PTPRZ1: variants seen among roughly 807,000 people sequenced by gnomAD.
PTPRZ1 encodes the protein protein tyrosine phosphatase receptor type Z1.
Under a neutral mutation model 214.1 loss-of-function variants are expected in PTPRZ1, and 82 were observed. The ratio of observed to expected loss-of-function variants is 0.38; its 90% CI spans 0.32 to 0.46. PTPRZ1 has a LOEUF of 0.46. PTPRZ1 is among the 20% of genes least tolerant of loss of function. PTPRZ1 has a pLI of 1.00. For missense variants in PTPRZ1, 2,603 were observed against 2,748.7 expected (o/e 0.95, Z 1.19); for synonymous variants, 945 against 987.9 (o/e 0.96, Z 0.81).
Position 122,013,233 on chromosome 7 carries a change from C to T in PTPRZ1, c.4187C>T (p.Ser1396Phe). The change falls in exon 12 of 30, where the codon TCT becomes TTT. Residue 1396 changes from serine to phenylalanine, a missense_variant. Ser to Phe is a radical substitution (Grantham distance 155, BLOSUM62 -2). Coordinates refer to ENST00000393386, the MANE Select transcript of PTPRZ1 (RefSeq NM_002851.3). Reference sequence around the variant, plus strand: ...ACCTCAACAAAGTTGCTGTTTCCTTCTAAGGCAACTTCTGAGCTGAGTCAT... The same window carrying T: ...ACCTCAACAAAGTTGCTGTTTCCTTTTAAGGCAACTTCTGAGCTGAGTCAT... ...SVTSTKLLFP[S>F]KATSELSHSA... 1 of 1,614,152 alleles carries T rather than the reference C, an allele frequency of 6.2e-7. No individual in the cohort carries two copies. Among genetic ancestry groups the T allele is most frequent in the Non-Finnish European group, 8.5e-7 (1 of 1,180,030 alleles).
chr7:122,027,064 C>G (rs959760351), intron 13 of PTPRZ1, among the ~76,000 whole-genome samples: 6 of 152,180 alleles, frequency 3.9e-5, no homozygotes, highest in African/African-American at 1.4e-4. Context: ...AGTGATGTGC[C>G]ACAGAGCAAA....
At chr7:121,977,428 C>T (rs1381804250) in intron 6 of PTPRZ1, among the ~76,000 whole-genome samples, 1 of 152,202 alleles carries the variant, frequency 6.6e-6, no homozygotes, top group African/African-American at 2.4e-5. Flanking sequence ...CTTTTAACAA[C>T]ATGGGCAGAG....
chr7:121,873,490 C>G lies in PTPRZ1; in HGVS notation c.-10C>G. 1 of 1,613,880 alleles carries G rather than the reference C, an allele frequency of 6.2e-7. No homozygotes were observed. The highest frequency in any genetic ancestry group is 8.5e-7 in the Non-Finnish European group (1 of 1,180,022). On this transcript the variant is annotated 5_prime_UTR_variant, in exon 1 of 30. Coordinates refer to ENST00000393386, the MANE Select transcript of PTPRZ1 (RefSeq NM_002851.3). ...GAGCCGCACGGCGAGGGGCCGCAGA[C>G]CGTCTGGAAATGCGAATCCTAAAGC...
At chr7:121,948,395 C>G (rs1796452186) in intron 2 of PTPRZ1, among the ~76,000 whole-genome samples, 1 of 152,122 alleles carries the variant, frequency 6.6e-6, no homozygotes, top group African/African-American at 2.4e-5. Context: ...GCAGCGGGAT[C>G]TCTTGAGCCC....
chr7:121,981,248 G>A (rs933397389), intron 6 of PTPRZ1, among the ~76,000 whole-genome samples: 1 of 152,194 alleles, frequency 6.6e-6, no homozygotes, highest in African/African-American at 2.4e-5. Context: ...ATCACCTGGG[G>A]ATGCTTTTTA....
chr7:121,973,708 C>T (rs1179449865), intron 4 of PTPRZ1, among the ~76,000 whole-genome samples: 2 of 151,998 alleles, frequency 1.3e-5, no homozygotes, highest in Non-Finnish European at 2.9e-5. Context: ...CCGAGATGGG[C>T]AGATCACTAG....
chr7:122,008,143 A>T (rs1798548270), intron 11 of PTPRZ1, among the ~76,000 whole-genome samples: 1 of 152,130 alleles, frequency 6.6e-6, no homozygotes, highest in Admixed American at 6.6e-5. Context: ...TTATAGGAGG[A>T]TATGATAAAG....
chr7:121,894,671 G>T (rs1475090063), intron 1 of PTPRZ1, among the ~76,000 whole-genome samples: 2 of 152,168 alleles, frequency 1.3e-5, no homozygotes, highest in Non-Finnish European at 2.9e-5. Flanking sequence ...CTCCCAAAAT[G>T]TTGGCATTGC....
intron 1 of PTPRZ1, among the ~76,000 whole-genome samples, chr7:121,887,611 TAAGA>T (rs983279840): frequency 1.2e-4 from 18 of 152,268 alleles, no homozygotes; most frequent in Non-Finnish European, 2.4e-4. Flanking sequence ...TTCAGAGTTT[TAAGA>T]AAGAAAATTA....
intron 1 of PTPRZ1, among the ~76,000 whole-genome samples, chr7:121,882,369 T>C (rs1469568188): frequency 6.6e-6 from 1 of 152,112 alleles, no homozygotes; most frequent in Non-Finnish European, 1.5e-5. Flanking sequence ...AGGTTTCTAG[T>C]AGGAGATGGG....
intron 2 of PTPRZ1, among the ~76,000 whole-genome samples, chr7:121,957,204 G>A (rs1452902594): frequency 6.6e-6 from 1 of 151,946 alleles, no homozygotes; most frequent in African/African-American, 2.4e-5. Flanking sequence ...TTTAGGCCTG[G>A]GCTCTGGCTT....
chr7:121,931,007 C>A (rs1795905231), intron 2 of PTPRZ1, among the ~76,000 whole-genome samples: 1 of 152,124 alleles, frequency 6.6e-6, no homozygotes, highest in African/African-American at 2.4e-5. Flanking sequence ...ATATTTAATG[C>A]AGGACATCTT....
chr7:121,904,776 C>CA (rs1795069692), intron 1 of PTPRZ1, among the ~76,000 whole-genome samples: 1 of 151,852 alleles, frequency 6.6e-6, no homozygotes, highest in African/African-American at 2.4e-5. Flanking sequence ...TGTTTGGTTC[C>CA]AAAAAATAAG....
At chr7:122,060,378 A>T (rs1406206438) in intron 29 of PTPRZ1, among the ~76,000 whole-genome samples, 1 of 152,194 alleles carries the variant, frequency 6.6e-6, no homozygotes, top group African/African-American at 2.4e-5. Context: ...AAAGCATTTA[A>T]TTATGCACTG....
At chr7:121,999,839 T>C (rs1050568747) in intron 10 of PTPRZ1, among the ~76,000 whole-genome samples, 2 of 152,268 alleles carry the variant, frequency 1.3e-5, no homozygotes, top group East Asian at 3.9e-4. Flanking sequence ...GCACAAAGTA[T>C]AATATTCTTC....
At chr7:122,039,803 GC>G (rs1799661037) in intron 20 of PTPRZ1, among the ~76,000 whole-genome samples, 1 of 152,052 alleles carries the variant, frequency 6.6e-6, no homozygotes, top group South Asian at 2.1e-4. Flanking sequence ...GTCGAGACTA[GC>G]CTGGCCAACA....
In PTPRZ1 at chr7:121,911,360, G is replaced by A. The variant is rs540056418; in HGVS notation, c.59-16796G>A. On this transcript the variant is annotated intron_variant, in intron 1 of 29. Coordinates refer to ENST00000393386, the MANE Select transcript of PTPRZ1 (RefSeq NM_002851.3). ...AAAAATCCATATCTTCATTTTGACT[G>A]TATATTTGAAAATACTGATGACAGA... Among the ~76,000 whole-genome samples, 34 of 152,136 alleles carry A rather than the reference G, an allele frequency of 2.2e-4. 1 individual carries two copies. Among genetic ancestry groups the A allele is most frequent in the Admixed American group, 2.2e-3 (34 of 15,252 alleles).
At chr7:122,050,831 C>G (rs191510550) in intron 23 of PTPRZ1, among the ~76,000 whole-genome samples, 1 of 152,064 alleles carries the variant, frequency 6.6e-6, no homozygotes, top group South Asian at 2.1e-4. Context: ...TTCATTTACC[C>G]GACTGTCAAA....
chr7:121,881,939 T>C (rs537620850), intron 1 of PTPRZ1, among the ~76,000 whole-genome samples: 13 of 152,356 alleles, frequency 8.5e-5, no homozygotes, highest in Non-Finnish European at 1.6e-4. Flanking sequence ...TTGTTAGAAC[T>C]TGGCTTTTTG....
Sources: allele counts gnomAD v4.1 joint callset (sites outside exome capture counted in the v4.1 genomes callset), GRCh38; gene constraint gnomAD v4.1.1; transcripts MANE v1.5; gene names NCBI Gene and HGNC (gene_info 2026-07-23, HGNC 2026-07-21).